The following UBE2A variants were observed in gnomAD, a reference collection of about 807,000 sequenced individuals.
UBE2A encodes ubiquitin conjugating enzyme E2 A.
For missense variants in UBE2A, 27 were observed against 125.8 expected, an observed-to-expected ratio of 0.21 and a Z score of 3.76; for synonymous variants, 39 against 41.1, an observed-to-expected ratio of 0.95 and a Z score of 0.20.
rs2053410724 is a variant in UBE2A at position 119,575,519 on chromosome X, A to G, written c.151+119A>G. The G allele has an allele frequency of 4.1e-6, 4 of 973,610 alleles. No homozygotes were observed. In the South Asian group the frequency reaches 5.9e-5, roughly 14 times the overall value. 80.2% of individuals were successfully genotyped at this position (973,610 alleles called of 1,213,427 possible). On this transcript the variant is annotated intron_variant, in intron 3 of 5. Transcript: ENST00000371558. ...TGCCTCTGCCTAGCCTCTGTCTGCT[A>G]AAGGCTTGAGTGGAATGCAGTGTGT... is the stretch of plus-strand genomic sequence containing the variant.
At chrX:119,575,457 T>C in intron 3 of UBE2A, 57 bp downstream of exon 3, 2 of 1,194,451 alleles carry the variant, frequency 1.7e-6, no homozygotes, top group Admixed American at 2.2e-5. Flanking sequence ...GGGAAAGGGT[T>C]CCCAGTCATC....
Position 119,583,135 on chromosome X carries a change from G to A in UBE2A, c.339G>A (p.Leu113=). 1 of 1,211,229 alleles carries A rather than the reference G, an allele frequency of 8.3e-7. No individual in the cohort carries two copies. Among genetic ancestry groups the A allele is most frequent in the South Asian group, 1.8e-5 (1 of 56,991 alleles). ...SSILTSIQSL[L]DEPNPNSPAN... ...AAAAATTGTCTCTTTAGTCTCTGTTGGATGAACCCAATCCCAATAGTCCAG... is the reference window on the plus strand; with the variant it reads ...AAAAATTGTCTCTTTAGTCTCTGTTAGATGAACCCAATCCCAATAGTCCAG... Residue 113 remains leucine, a synonymous_variant, in exon 6 of 6, where the codon TTG becomes TTA. Transcript: ENST00000371558.
rs757842527 is a variant in UBE2A at position 119,575,407 on chromosome X, G to T, written c.151+7G>T. The T allele has an allele frequency of 5.8e-6, 7 of 1,209,760 alleles. No homozygotes were observed. In the East Asian group the frequency reaches 2.1e-4, roughly 36 times the overall value. ...GGGACCCCGTTTGAGGATGGTAAGA[G>T]AGAGTTTCTTTACCCACTTTTCAGG... On this transcript the variant is annotated splice_region_variant and intron_variant, in intron 3 of 5. Coordinates refer to ENST00000371558, the MANE Select transcript of UBE2A (RefSeq NM_003336.4).
intron 3 of UBE2A, 176 bp from the exon 4 acceptor site, chrX:119,581,331 C>T (rs2053449198): frequency 2.8e-6 from 1 of 352,607 alleles, no homozygotes; most frequent in African/African-American, 2.6e-5. Context: ...CAAAAAATCA[C>T]ATTTGAGTAG....
chrX:119,578,986 T>A (rs933061295), intron 3 of UBE2A, among the ~76,000 whole-genome samples: 10 of 112,155 alleles, frequency 8.9e-5, no homozygotes, highest in Non-Finnish European at 1.9e-4. Flanking sequence ...TCTGGGATTT[T>A]AAATTCCCTT....
intron 3 of UBE2A, among the ~76,000 whole-genome samples, chrX:119,578,411 GT>G (rs963125157): frequency 4.5e-5 from 5 of 110,865 alleles, no homozygotes; most frequent in African/African-American, 1.6e-4. Context: ...GGTATAAATC[GT>G]TTTTATTTTT....
rs2053474442 is a variant in UBE2A, at chrX:119,584,417, A to C, written c.*1162A>C. Reference sequence around the variant, plus strand: ...AAGTTGTAAATAAAAATAACCTTAAAATTTCATAGTCAAGGTATCTTTTTT... The same window carrying C: ...AAGTTGTAAATAAAAATAACCTTAACATTTCATAGTCAAGGTATCTTTTTT... On this transcript the variant is annotated 3_prime_UTR_variant, in exon 6 of 6. Coordinates refer to ENST00000371558, the MANE Select transcript of UBE2A (RefSeq NM_003336.4). 2.0e-5 allele frequency: 2 copies of C among 101,253 alleles called. No individual in the cohort carries two copies. The highest frequency in any genetic ancestry group is 7.3e-5 in the African/African-American group (2 of 27,461). 8.3% of individuals were successfully genotyped at this position (101,253 alleles called of 1,213,427 possible). A position where few individuals can be genotyped will look rare whatever the true frequency, so the allele number is the denominator to read the frequency against.
chrX:119,582,542 C>T, intron 4 of UBE2A, 46 bp from the exon 5 acceptor site: 1 of 1,004,465 alleles, frequency 1.0e-6, no homozygotes, highest in Non-Finnish European at 1.4e-6. Flanking sequence ...ATGTTAAAAC[C>T]TTAGTGGTCT....
At chrX:119,578,614 A>G (rs746617188) in intron 3 of UBE2A, among the ~76,000 whole-genome samples, 1 of 111,680 alleles carries the variant, frequency 9.0e-6, no homozygotes, top group African/African-American at 3.3e-5. Flanking sequence ...AGGGGTCACA[A>G]ACTGGTGGCC....
chrX:119,579,844 G>T (rs765565350), intron 3 of UBE2A, among the ~76,000 whole-genome samples: 1 of 112,153 alleles, frequency 8.9e-6, no homozygotes, highest in East Asian at 2.8e-4. Context: ...CCATAATTTA[G>T]TCAGATTGCA....
chrX:119,578,108 T>C (rs2053430129), intron 3 of UBE2A, among the ~76,000 whole-genome samples: 1 of 111,795 alleles, frequency 8.9e-6, no homozygotes, highest in African/African-American at 3.3e-5. Context: ...CCGTTCGTTA[T>C]GGAAGTTTCT....
chrX:119,577,620 CA>C (rs1484865156), intron 3 of UBE2A, among the ~76,000 whole-genome samples: 1 of 80,987 alleles, frequency 1.2e-5, no homozygotes. Context: ...GGTTCCCCCA[CA>C]AAAAAAATTT....
chrX:119,581,287 C>T, intron 3 of UBE2A: 2 of 312,009 alleles, frequency 6.4e-6, no homozygotes. Flanking sequence ...TTTATGATGG[C>T]TGTCTCCAAG....
rs1270058996 is a variant in UBE2A at position 119,584,420 on chromosome X, T to G, written c.*1165T>G. On this transcript the variant is annotated 3_prime_UTR_variant, in exon 6 of 6. Transcript: ENST00000371558. Reference sequence around the variant, plus strand: ...TTGTAAATAAAAATAACCTTAAAATTTCATAGTCAAGGTATCTTTTTTTTT... The same window carrying G: ...TTGTAAATAAAAATAACCTTAAAATGTCATAGTCAAGGTATCTTTTTTTTT... 1 of 99,651 alleles carries G rather than the reference T, an allele frequency of 1.0e-5. No homozygotes were observed. The highest frequency in any genetic ancestry group is 2.0e-5 in the Non-Finnish European group (1 of 49,938). 8.2% of individuals were successfully genotyped at this position (99,651 alleles called of 1,213,427 possible).
intron 2 of UBE2A, 78 bp downstream of exon 2, chrX:119,575,059 C>A: frequency 8.9e-7 from 1 of 1,127,644 alleles, no homozygotes; most frequent in Non-Finnish European, 1.2e-6. Flanking sequence ...GCGGGCCCCC[C>A]GCGGAGGCCG....
rs999089635 is a variant in UBE2A at position 119,574,593 on chromosome X, C to G, written c.-119C>G. On this transcript the variant is annotated 5_prime_UTR_variant, in exon 1 of 6. Transcript: ENST00000371558. ...GACCCTCGACTTCGGAGAGGCAGCG[C>G]GGTTCCTCTGGGTGCTTCCGCCTCC... 10 of 975,606 alleles carry G rather than the reference C, an allele frequency of 1.0e-5. No homozygotes were observed. The highest frequency in any genetic ancestry group is 1.4e-5 in the Non-Finnish European group (10 of 706,045). 80.4% of individuals were successfully genotyped at this position (975,606 alleles called of 1,213,427 possible).
In UBE2A at chrX:119,575,022, G is replaced by A. The variant is rs1231949186; in HGVS notation, c.125+41G>A. 13 of 1,195,304 alleles carry A rather than the reference G, an allele frequency of 1.1e-5. No individual in the cohort carries two copies. The South Asian group carries it at 1.9e-4, about 18-fold the overall frequency. ...TGGCGGTGGCGAGAAAACTGGGGACGCGAGCAGCTTCGGTCTGCGCTCCGG... is the reference window on the plus strand; with the variant it reads ...TGGCGGTGGCGAGAAAACTGGGGACACGAGCAGCTTCGGTCTGCGCTCCGG... On this transcript the variant is annotated intron_variant, in intron 2 of 5. Transcript: ENST00000371558.
Position 119,583,357 on chromosome X carries a change from A to G in UBE2A, c.*102A>G, listed in dbSNP as rs2053464154. The G allele has an allele frequency of 1.8e-6, 2 of 1,135,323 alleles. No individual in the cohort carries two copies. The highest frequency in any genetic ancestry group is 2.4e-6 in the Non-Finnish European group (2 of 831,282). 93.6% of individuals were successfully genotyped at this position (1,135,323 alleles called of 1,213,427 possible). On this transcript the variant is annotated 3_prime_UTR_variant, in exon 6 of 6. Transcript: ENST00000371558. ...TTACATTTACTTTATTAAAAGCAAA[A>G]TAACTGTTGTGCTGTTTCCATCTTC...
chrX:119,583,298 T>C lies in UBE2A; in HGVS notation c.*43T>C. 8.3e-7 allele frequency: 1 copy of C among 1,206,827 alleles called. No homozygotes were observed. Among genetic ancestry groups the C allele is most frequent in the South Asian group, 1.8e-5 (1 of 56,172 alleles). ...AGAAGCTGGCCATAAGAAAAATATA[T>C]ATTGATGTGTTTGTCACCTCCCTAC... On this transcript the variant is annotated 3_prime_UTR_variant, in exon 6 of 6. Transcript: ENST00000371558.
Sources: gnomAD v4.1 joint callset for allele counts (sites outside exome capture counted in the v4.1 genomes callset) on GRCh38, gnomAD v4.1.1 for gene constraint, MANE v1.5 for transcripts, NCBI Gene and HGNC (gene_info 2026-07-23, HGNC 2026-07-21) for gene names.